EHBP1: variants seen among roughly 807,000 people sequenced by gnomAD.
EHBP1 encodes EH domain binding protein 1.
EHBP1 carries 55 observed loss-of-function variants against 144.0 expected under a neutral mutation model. That is an observed-to-expected ratio of 0.38 (90% CI 0.31 to 0.48). EHBP1 has a LOEUF of 0.48. Among genes scored for constraint, EHBP1 ranks in the 20% least tolerant of loss-of-function variants. EHBP1 has a pLI of 0.98. For missense variants in EHBP1, 1,200 were observed against 1,364.2 expected, an observed-to-expected ratio of 0.88 and a Z score of 1.90; for synonymous variants, 469 against 472.7, an observed-to-expected ratio of 0.99 and a Z score of 0.10.
intron 14 of EHBP1, among the ~76,000 whole-genome samples, chr2:62,964,769 C>T (rs1359057217): frequency 6.6e-6 from 1 of 152,160 alleles, no homozygotes. Context: ...ATGCCTCCAG[C>T]AGTGATTAAA....
chr2:62,703,992 A>T (rs1279279786), upstream of EHBP1, among the ~76,000 whole-genome samples: 1 of 152,240 alleles, frequency 6.6e-6, no homozygotes, highest in Non-Finnish European at 1.5e-5. Context: ...AACTTGGATG[A>T]AAATAATTTA....
intron 1 of EHBP1, among the ~76,000 whole-genome samples, chr2:62,675,146 T>G (rs1407665448): frequency 6.6e-6 from 1 of 152,180 alleles, no homozygotes. Flanking sequence ...ACAGTCTCTT[T>G]TCAGATAACT....
At chr2:62,917,073 C>T (rs980334035) in intron 10 of EHBP1, among the ~76,000 whole-genome samples, 2 of 152,040 alleles carry the variant, frequency 1.3e-5, no homozygotes, top group South Asian at 4.1e-4. Flanking sequence ...TTACACAAAG[C>T]TAGATGGTGT....
intron 14 of EHBP1, among the ~76,000 whole-genome samples, chr2:62,968,756 T>C (rs913765169): frequency 2.0e-5 from 3 of 152,192 alleles, no homozygotes; most frequent in African/African-American, 7.2e-5. Flanking sequence ...CTAAACTGTT[T>C]CTTTACATTG....
chr2:62,756,012 G>A lies in EHBP1; in HGVS notation c.163-8254G>A, dbSNP rs141155119. On this transcript the variant is annotated intron_variant, in intron 3 of 22. Transcript: ENST00000431489. ...ACCCTGGCTGGTTGTGGTGCTTCAC[G>A]CCTGTAACCCTAGCACTTTGGAAGG... Among the ~76,000 whole-genome samples the A allele has an allele frequency of 2.6e-3, 394 of 151,572 alleles. 1 individual carries two copies. Among genetic ancestry groups the A allele is most frequent in the African/African-American group, 8.9e-3 (369 of 41,302 alleles).
At chr2:62,982,541 T>G (rs1297857043) in intron 15 of EHBP1, among the ~76,000 whole-genome samples, 1 of 152,162 alleles carries the variant, frequency 6.6e-6, no homozygotes, top group Non-Finnish European at 1.5e-5. Context: ...CAAATTAGTG[T>G]CCACTCTTCT....
chr2:62,677,800 T>C (rs2033360643), intron 1 of EHBP1, among the ~76,000 whole-genome samples: 1 of 152,340 alleles, frequency 6.6e-6, no homozygotes, highest in South Asian at 2.1e-4. Context: ...AACCATGTTG[T>C]TGCAAATAAC....
chr2:62,741,360 TAGTC>T (rs1445433200), intron 2 of EHBP1, among the ~76,000 whole-genome samples: 2 of 152,140 alleles, frequency 1.3e-5, no homozygotes, highest in Admixed American at 6.6e-5. Context: ...ATAAATCTGA[TAGTC>T]AGTTTACTGT....
intron 19 of EHBP1, among the ~76,000 whole-genome samples, chr2:63,001,543 A>G (rs569750328): frequency 6.6e-5 from 10 of 152,320 alleles, no homozygotes; most frequent in African/African-American, 2.4e-4. Flanking sequence ...AGATGACAGT[A>G]ATGGCCAATA....
At chr2:62,752,852 T>A (rs554659105) in intron 3 of EHBP1, among the ~76,000 whole-genome samples, 7 of 152,294 alleles carry the variant, frequency 4.6e-5, no homozygotes, top group Non-Finnish European at 8.8e-5. Context: ...TCCATTTGCT[T>A]GGTAGATCTT....
At chr2:63,004,633 T>G (rs1388533255) in intron 19 of EHBP1, among the ~76,000 whole-genome samples, 1 of 152,108 alleles carries the variant, frequency 6.6e-6, no homozygotes, top group East Asian at 1.9e-4. Context: ...TTTAATAGCT[T>G]GAGTCATTTT....
At chr2:62,799,003 C>CAAAAAAAAA (rs757731955) in intron 5 of EHBP1, among the ~76,000 whole-genome samples, 1 of 76,786 alleles carries the variant, frequency 1.3e-5, no homozygotes, top group Non-Finnish European at 2.4e-5. Context: ...GACTCCGTCT[C>CAAAAAAAAA]AAAAAAAAAA....
chr2:62,871,269 A>C (rs1038525831), intron 9 of EHBP1, among the ~76,000 whole-genome samples: 3 of 152,224 alleles, frequency 2.0e-5, no homozygotes, highest in African/African-American at 7.2e-5. Flanking sequence ...ATGTTTGCTT[A>C]AACTTTTTAA....
At chr2:62,990,599 T>C in intron 15 of EHBP1, 117 bp from the exon 16 acceptor site, 2 of 1,093,198 alleles carry the variant, frequency 1.8e-6, no homozygotes, top group Non-Finnish European at 2.6e-6. Context: ...TCTACTAATA[T>C]CCTTTTCTTC....
At chr2:62,955,206 T>A (rs1301466828) in intron 13 of EHBP1, among the ~76,000 whole-genome samples, 1 of 152,250 alleles carries the variant, frequency 6.6e-6, no homozygotes, top group Non-Finnish European at 1.5e-5. Context: ...TTATACTGTG[T>A]TTATGAGCAA....
intron 13 of EHBP1, among the ~76,000 whole-genome samples, chr2:62,952,427 A>G (rs1289132480): frequency 6.6e-6 from 1 of 152,198 alleles, no homozygotes; most frequent in East Asian, 1.9e-4. Context: ...AGTTTAATTG[A>G]CAGCGTTTGT....
In EHBP1 at chr2:62,710,677, T is replaced by TA. The variant is rs769503111; in HGVS notation, c.104+3391dup. The stretch of plus-strand genomic sequence containing the variant: ...CCTTGTGACCCCAGGATTTGAAAGG[T>TA]AAAAAAAAAGTAGTTTTTCTTAGTG... On this transcript the variant is annotated intron_variant, in intron 2 of 22. Coordinates refer to ENST00000431489, the MANE Select transcript of EHBP1 (RefSeq NM_001142616.3). Among the ~76,000 whole-genome samples, 145 of 151,110 alleles carry TA rather than the reference T, an allele frequency of 9.6e-4. 1 individual carries two copies. Among genetic ancestry groups the TA allele is most frequent in the Admixed American group, 3.3e-3 (50 of 15,178 alleles).
chr2:63,016,614 A>G (rs879840654), intron 19 of EHBP1, among the ~76,000 whole-genome samples: 5 of 152,074 alleles, frequency 3.3e-5, no homozygotes, highest in Non-Finnish European at 5.9e-5. Context: ...TATTTTTAGT[A>G]GAGATGGGGT....
At chr2:62,968,184 A>G (rs2058332403) in intron 14 of EHBP1, among the ~76,000 whole-genome samples, 1 of 152,170 alleles carries the variant, frequency 6.6e-6, no homozygotes, top group Admixed American at 6.6e-5. Flanking sequence ...ATAAATAAAT[A>G]GTTTATAAGT....
Sources: allele counts gnomAD v4.1 joint callset (sites outside exome capture counted in the v4.1 genomes callset), GRCh38; gene constraint gnomAD v4.1.1; transcripts MANE v1.5; gene names NCBI Gene and HGNC (gene_info 2026-07-23, HGNC 2026-07-21).